The following KMO variants were observed in gnomAD, a reference collection of about 807,000 sequenced individuals.
The protein encoded by KMO is kynurenine 3-hydroxylase.
KMO carries 24 observed loss-of-function variants against 57.8 expected under a neutral mutation model. That is an observed-to-expected ratio of 0.42 (90% confidence interval 0.30 to 0.58). The LOEUF is 0.58. KMO is among the 20% of genes least tolerant of loss of function. The probability of loss-of-function intolerance (pLI) is 0.22; values close to 1 mark genes in which losing one functional copy is unlikely to be tolerated. For missense variants in KMO, 483 were observed against 588.2 expected, an observed-to-expected ratio of 0.82 and a Z score of 1.85; for synonymous variants, 210 against 193.6, an observed-to-expected ratio of 1.08 and a Z score of -0.70.
intron 10 of KMO, among the ~76,000 whole-genome samples, chr1:241,572,330 T>A (rs1050709804): frequency 2.0e-5 from 3 of 152,110 alleles, no homozygotes; most frequent in African/African-American, 7.2e-5. Context: ...TGTCTAGGAC[T>A]TTATTCATTT....
chr1:241,561,464 C>T lies in KMO; in HGVS notation c.450-703C>T, dbSNP rs142045986. 3.5e-3 allele frequency among the ~76,000 whole-genome samples: 531 copies of T among 152,314 alleles called. 3 individuals carry two copies. The highest frequency in any genetic ancestry group is 0.012 in the African/African-American group (497 of 41,572). On this transcript the variant is annotated intron_variant, in intron 6 of 14. Transcript: ENST00000366559. ...CTATAACACTCCCCAGTCTATCCTA[C>T]TTTCTACTGGCTTCAGAGTCTGTCT...
At chr1:241,559,571 T>C (rs2147958463) in intron 5 of KMO, among the ~76,000 whole-genome samples, 1 of 152,318 alleles carries the variant, frequency 6.6e-6, no homozygotes, top group African/African-American at 2.4e-5. Context: ...ATGAATTTCT[T>C]TGGTTTAGGG....
chr1:241,582,146 G>A (rs7349139), intron 10 of KMO, among the ~76,000 whole-genome samples: 19,538 of 152,086 alleles, frequency 0.13, 1,554 homozygotes, highest in East Asian at 0.22. Context: ...ACATATTGGA[G>A]CTCCTTTTAT....
Position 241,594,814 on chromosome 1 carries a change from TG to T in KMO, c.*2665del, listed in dbSNP as rs1275149786. 1 of 1,037,820 alleles carries T rather than the reference TG, an allele frequency of 9.6e-7. No individual in the cohort carries two copies. The highest frequency in any genetic ancestry group is 1.6e-5 in the African/African-American group (1 of 62,386). 64.3% of individuals were successfully genotyped at this position (1,037,820 alleles called of 1,614,324 possible). On this transcript the variant is annotated 3_prime_UTR_variant, in exon 15 of 15. Transcript: ENST00000366559. ...TTTTGTTTGTTAGCAGGTGTGGATG[TG>T]GGGTTATGTGGTCATGCTCAGATCT... is the stretch of plus-strand genomic sequence containing the variant.
At chr1:241,549,944 G>A in intron 3 of KMO, 170 bp downstream of exon 3, 1 of 553,252 alleles carries the variant, frequency 1.8e-6, no homozygotes, top group Non-Finnish European at 3.2e-6. Flanking sequence ...GGTGAACATT[G>A]GACACTCGAG....
At chr1:241,536,556 A>G in intron 1 of KMO, 3 of 978,322 alleles carry the variant, frequency 3.1e-6, no homozygotes, top group Non-Finnish European at 3.6e-6. Flanking sequence ...ACTGAAGCCA[A>G]GAGCCTTGGT....
At chr1:241,545,432 T>C (rs925719348) in intron 1 of KMO, among the ~76,000 whole-genome samples, 13 of 152,154 alleles carry the variant, frequency 8.5e-5, no homozygotes, top group Non-Finnish European at 1.9e-4. Flanking sequence ...GCAGGGTTGG[T>C]TCCTTCCGAG....
chr1:241,537,339 C>T (rs945271208), intron 1 of KMO, among the ~76,000 whole-genome samples: 2 of 152,168 alleles, frequency 1.3e-5, no homozygotes, highest in African/African-American at 4.8e-5. Flanking sequence ...TGCATATGAA[C>T]CATCAAATGG....
chr1:241,562,108 C>A, intron 6 of KMO, 59 bp from the exon 7 acceptor site: 2 of 1,438,804 alleles, frequency 1.4e-6, no homozygotes, highest in Non-Finnish European at 1.9e-6. Context: ...CCCAGAGGTA[C>A]ATCATCATTT....
Position 241,566,472 on chromosome 1 carries a change from G to A in KMO, c.688-19G>A. ...CTTGGCCCCCATCCCCTTTCACTCT[G>A]TTTCTCTTCTTCTCACAGAACAAAT... On this transcript the variant is annotated intron_variant, in intron 8 of 14. Transcript: ENST00000366559. 1 of 1,605,762 alleles carries A rather than the reference G, an allele frequency of 6.2e-7. No individual in the cohort carries two copies. Among genetic ancestry groups the A allele is most frequent in the South Asian group, 1.1e-5 (1 of 88,960 alleles).
At chr1:241,548,547 T>C (rs1306684525) in intron 1 of KMO, among the ~76,000 whole-genome samples, 2 of 151,496 alleles carry the variant, frequency 1.3e-5, no homozygotes, top group South Asian at 4.2e-4. Context: ...ATATGTTTTA[T>C]GTTCTTTCTG....
chr1:241,555,926 G>A (rs961155132), intron 5 of KMO: 5 of 279,568 alleles, frequency 1.8e-5, no homozygotes, highest in Admixed American at 1.0e-4. Context: ...TCACTACAAA[G>A]AATAAAAAAT....
chr1:241,545,709 C>A (rs75264968), intron 1 of KMO, among the ~76,000 whole-genome samples: 4 of 152,214 alleles, frequency 2.6e-5, no homozygotes, highest in African/African-American at 4.8e-5. Flanking sequence ...ATGCAATTTA[C>A]CCCAAAGATA....
intron 10 of KMO, among the ~76,000 whole-genome samples, chr1:241,580,505 T>C (rs1188695795): frequency 6.6e-6 from 1 of 152,192 alleles, no homozygotes; most frequent in Admixed American, 6.5e-5. Context: ...ACTTTAGTAC[T>C]GCTTTGGCTG....
chr1:241,587,751 C>CT (rs11409165), intron 11 of KMO, among the ~76,000 whole-genome samples: 20,907 of 146,434 alleles, frequency 0.14, 2,018 homozygotes, highest in Admixed American at 0.25. Flanking sequence ...GCATAAATTC[C>CT]TTTTTTTTTT....
chr1:241,542,767 C>T (rs1033477230), intron 1 of KMO, among the ~76,000 whole-genome samples: 2 of 152,224 alleles, frequency 1.3e-5, no homozygotes, highest in African/African-American at 2.4e-5. Flanking sequence ...GTGTGTGGTG[C>T]GCTTAGCATG....
chr1:241,574,149 A>G (rs1662413578), intron 10 of KMO, among the ~76,000 whole-genome samples: 1 of 152,090 alleles, frequency 6.6e-6, no homozygotes, highest in South Asian at 2.1e-4. Context: ...ATTCATTTAT[A>G]AAATCTGGGA....
intron 1 of KMO, among the ~76,000 whole-genome samples, chr1:241,544,182 A>G (rs1419934305): frequency 6.6e-6 from 1 of 152,146 alleles, no homozygotes; most frequent in African/African-American, 2.4e-5. Context: ...ATTTTCACTG[A>G]TCACTTGTTG....
chr1:241,565,628 G>A (rs1662046321), intron 8 of KMO, among the ~76,000 whole-genome samples: 1 of 151,884 alleles, frequency 6.6e-6, no homozygotes, highest in East Asian at 1.9e-4. Flanking sequence ...GGAGGCTGAG[G>A]TGGGAGGATT....
Sources: allele counts gnomAD v4.1 joint callset (sites outside exome capture counted in the v4.1 genomes callset), GRCh38; gene constraint gnomAD v4.1.1; transcripts MANE v1.5; gene names NCBI Gene and HGNC (gene_info 2026-07-23, HGNC 2026-07-21).